The following MAP3K14 variants were observed in gnomAD, a reference collection of about 807,000 sequenced individuals.
MAP3K14 encodes NF-kappa-beta-inducing kinase.
Under a neutral mutation model 99.2 loss-of-function variants are expected in MAP3K14, and 16 were observed. The ratio of observed to expected loss-of-function variants is 0.16; its 90% CI spans 0.11 to 0.24. The LOEUF is 0.24. Ranked by LOEUF, MAP3K14 falls within the 10% of genes least tolerant of loss-of-function variation. The pLI is 1.00. For missense variants in MAP3K14, 784 were observed against 1,208.7 expected (o/e 0.65, Z 5.21); for synonymous variants, 462 against 492.4 (o/e 0.94, Z 0.82).
Position 45,267,112 on chromosome 17 carries a change from G to A in MAP3K14, c.2413C>T (p.Leu805=). The change falls in exon 13 of 16, where the codon CTG becomes TTG. Residue 805 remains leucine (L), a synonymous_variant. Coordinates refer to ENST00000344686, the MANE Select transcript of MAP3K14 (RefSeq NM_003954.5). This position sits in a 1 kb window ranked among gnomAD's most constrained non-coding sequence, Gnocchi z 5.1. Reference sequence around the variant, plus strand: ...CTCACCTTCTCACTGTCATCCGACAGGGAGAGGCTGTCGATGCTGAGGCAC... The same window carrying A: ...CTCACCTTCTCACTGTCATCCGACAAGGAGAGGCTGTCGATGCTGAGGCAC... ...LSCLSIDSLS[L]SDDSEKNPSK... 1 of 1,592,172 alleles carries A rather than the reference G, an allele frequency of 6.3e-7. No individual in the cohort carries two copies. Among genetic ancestry groups the A allele is most frequent in the Non-Finnish European group, 8.6e-7 (1 of 1,169,236 alleles).
chr17:45,271,406 C>T (rs772781231), intron 9 of MAP3K14, among the ~76,000 whole-genome samples, 185 bp from the exon 10 acceptor site: 8 of 152,172 alleles, frequency 5.3e-5, no homozygotes, highest in African/African-American at 1.4e-4. Flanking sequence ...AGTACAATGG[C>T]GCGATCTTGG....
At position 45,286,846 on chromosome 17, in the gene MAP3K14, T is replaced by G; in HGVS notation, c.737A>C (p.Gln246Pro). Reference sequence around the variant, plus strand: ...GGGCAGGGGCAGGGGGCCTCCGTCCTGGGGGTGGTGCAGTTTCCACACGTG... The same window carrying G: ...GGGCAGGGGCAGGGGGCCTCCGTCCGGGGGGTGGTGCAGTTTCCACACGTG... ...LNHVWKLHHP[Q>P]DGGPLPLPTH... Residue 246 changes from glutamine (Q) to proline (P), a missense_variant, in exon 5 of 16, where the codon CAG becomes CCG. By Grantham distance (76) the Gln-to-Pro change is moderately conservative. Coordinates refer to ENST00000344686, the MANE Select transcript of MAP3K14 (RefSeq NM_003954.5). The surrounding 1 kb of genome is among the most constrained non-coding windows in gnomAD (Gnocchi z 4.1). The G allele has an allele frequency of 6.2e-7, 1 of 1,613,914 alleles. No individual in the cohort carries two copies.
chr17:45,287,920 G>GGCTGCT (rs1334238511), intron 3 of MAP3K14, among the ~76,000 whole-genome samples: 5 of 152,342 alleles, frequency 3.3e-5, no homozygotes, highest in African/African-American at 1.2e-4. Context: ...GAACAGCCTG[G>GGCTGCT]GCTGCTGCCT....
At chr17:45,275,760 C>CTTT (rs369154222) in intron 6 of MAP3K14, among the ~76,000 whole-genome samples, 4 of 123,546 alleles carry the variant, frequency 3.2e-5, no homozygotes, top group African/African-American at 6.4e-5. Flanking sequence ...CTTTTCTTTT[C>CTTT]TTTTTTTTTT....
chr17:45,313,994 A>T (rs1487664641), intron 1 of MAP3K14, among the ~76,000 whole-genome samples: 1 of 152,234 alleles, frequency 6.6e-6, no homozygotes, highest in Non-Finnish European at 1.5e-5. Flanking sequence ...CCATAAAATT[A>T]TTCTTGATGC....
At position 45,270,542 on chromosome 17, in the gene MAP3K14, C is replaced by G. The variant is rs1329994663; in HGVS notation, c.1843G>C (p.Val615Leu). The change falls in exon 11 of 16, where the codon GTG (valine) becomes CTG (leucine). Residue 615 changes from valine (V) to leucine (L), a missense_variant. Transcript: ENST00000344686. ...GCGCAGGAGGGTGGGATCTCCCTCACAGGCGGAGGCTCGCTGGCAATCTGG... is the reference window on the plus strand; with the variant it reads ...GCGCAGGAGGGTGGGATCTCCCTCAGAGGCGGAGGCTCGCTGGCAATCTGG... ...CLKIASEPPP[V>L]REIPPSCAPL... 1.3e-6 allele frequency: 2 copies of G among 1,561,810 alleles called. No individual in the cohort carries two copies. The highest frequency in any genetic ancestry group is 1.7e-6 in the Non-Finnish European group (2 of 1,156,084).
intron 5 of MAP3K14, among the ~76,000 whole-genome samples, chr17:45,285,333 G>A (rs1354627388): frequency 1.3e-5 from 2 of 151,952 alleles, no homozygotes; most frequent in Non-Finnish European, 2.9e-5. Flanking sequence ...GATGTTAAAA[G>A]TGGATGGAGG....
chr17:45,304,844 C>T (rs142703815), intron 1 of MAP3K14, among the ~76,000 whole-genome samples: 91 of 152,240 alleles, frequency 6.0e-4, no homozygotes, highest in African/African-American at 2.1e-3. Flanking sequence ...GGTGTGTGAC[C>T]ATGGGCAGGT....
At chr17:45,278,403 C>A (rs955929159) in intron 6 of MAP3K14, among the ~76,000 whole-genome samples, 1 of 152,200 alleles carries the variant, frequency 6.6e-6, no homozygotes, top group Non-Finnish European at 1.5e-5. Context: ...GGCTGGACTG[C>A]GATGAGGATA....
rs2044365246 is a variant in MAP3K14, at chr17:45,298,848, A to T, written c.-20-8083T>A. Among the ~76,000 whole-genome samples, 4 of 152,306 alleles carry T rather than the reference A, an allele frequency of 2.6e-5. No homozygotes were observed. In the South Asian group the frequency reaches 8.3e-4, roughly 32 times the overall value. Reference sequence around the variant, plus strand: ...AGAAGTCAGAAGAGTTCAGTACAATACAGGGATGCAATGACAGAGATAGAC... The same window carrying T: ...AGAAGTCAGAAGAGTTCAGTACAATTCAGGGATGCAATGACAGAGATAGAC... On this transcript the variant is annotated intron_variant, in intron 1 of 15. Coordinates refer to ENST00000344686, the MANE Select transcript of MAP3K14 (RefSeq NM_003954.5).
chr17:45,266,935 C>A (rs2044090899), intron 13 of MAP3K14, among the ~76,000 whole-genome samples, 157 bp downstream of exon 13: 1 of 152,148 alleles, frequency 6.6e-6, no homozygotes, highest in South Asian at 2.1e-4. Context: ...CTAGTGAGGA[C>A]CCCCACCAGA....
rs1245669521 is a variant in MAP3K14 at position 45,286,426 on chromosome 17, G to A, written c.1152+5C>T. On this transcript the variant is annotated splice_donor_5th_base_variant and intron_variant, in intron 5 of 15. Coordinates refer to ENST00000344686, the MANE Select transcript of MAP3K14 (RefSeq NM_003954.5). This position sits in a 1 kb window ranked among gnomAD's most constrained non-coding sequence, Gnocchi z 4.1. ...GACATATACAGGTGCCGGGGGATTA[G>A]TTACCTCAGTGAGCAGGACACCCTC... 1.3e-6 allele frequency: 2 copies of A among 1,580,648 alleles called. No homozygotes were observed. The highest frequency in any genetic ancestry group is 1.7e-6 in the Non-Finnish European group (2 of 1,159,494).
In MAP3K14 at chr17:45,311,680, T is replaced by G. The variant is rs549451650; in HGVS notation, c.-21+5280A>C. On this transcript the variant is annotated intron_variant, in intron 1 of 15. Coordinates refer to ENST00000344686, the MANE Select transcript of MAP3K14 (RefSeq NM_003954.5). The stretch of plus-strand genomic sequence containing the variant: ...TTGGGATTCCTAAAGCTTTCTGAAA[T>G]CCAGGGTTTAATCTAGCCTTTACAA... 8.5e-5 allele frequency among the ~76,000 whole-genome samples: 13 copies of G among 152,234 alleles called. No homozygotes were observed. The East Asian group carries it at 1.5e-3, about 18-fold the overall frequency.
chr17:45,312,790 C>G (rs1360005781), intron 1 of MAP3K14, among the ~76,000 whole-genome samples: 1 of 152,162 alleles, frequency 6.6e-6, no homozygotes, highest in Non-Finnish European at 1.5e-5. Flanking sequence ...GAGAAGCTGA[C>G]AAAGACATCT....
At chr17:45,311,258 T>C (rs947674122) in intron 1 of MAP3K14, among the ~76,000 whole-genome samples, 21 of 152,348 alleles carry the variant, frequency 1.4e-4, no homozygotes, top group Admixed American at 1.3e-3. Flanking sequence ...TATTTAGCCA[T>C]GCCAGCAGGA....
In MAP3K14 at chr17:45,270,563, T is replaced by A; in HGVS notation, c.1822A>T (p.Ile608Phe). ...QFFRGPLCLK[I>F]ASEPPPVREI... ...CTCACAGGCGGAGGCTCGCTGGCAA[T>A]CTGGGGGGCAAAAGACAACAGGTGA... The change falls in exon 11 of 16, where the codon ATT becomes TTT. Residue 608 changes from isoleucine to phenylalanine, a missense_variant and splice_region_variant. Transcript: ENST00000344686. 6.5e-7 allele frequency: 1 copy of A among 1,547,558 alleles called. No individual in the cohort carries two copies. The highest frequency in any genetic ancestry group is 8.7e-7 in the Non-Finnish European group (1 of 1,148,804).
At chr17:45,307,265 T>TA (rs1043095038) in intron 1 of MAP3K14, among the ~76,000 whole-genome samples, 16 of 148,248 alleles carry the variant, frequency 1.1e-4, no homozygotes, top group East Asian at 3.9e-4. Context: ...CTCAAAAAAT[T>TA]AAAAAAAAAA....
At position 45,291,296 on chromosome 17, in the gene MAP3K14, C is replaced by CTGTG. The variant is rs10578692; in HGVS notation, c.-20-535_-20-532dup. On this transcript the variant is annotated intron_variant, in intron 1 of 15. Transcript: ENST00000344686. ...CTGTTCCCTAGTAGGAGGTAGATAT[C>CTGTG]TGTGTGTGTGTGTGTGTGTGTGTGT... Among the ~76,000 whole-genome samples, 253 of 149,840 alleles carry CTGTG rather than the reference C, an allele frequency of 1.7e-3. 1 individual carries two copies. The highest frequency in any genetic ancestry group is 5.8e-3 in the African/African-American group (238 of 40,874).
chr17:45,300,404 C>T (rs1303914074), intron 1 of MAP3K14, among the ~76,000 whole-genome samples: 1 of 152,208 alleles, frequency 6.6e-6, no homozygotes, highest in Non-Finnish European at 1.5e-5. Context: ...GCTGGCTCTG[C>T]ACTGCTTATG....
Sources: gnomAD v4.1 joint callset for allele counts (sites outside exome capture counted in the v4.1 genomes callset) on GRCh38, gnomAD v4.1.1 for gene constraint, Gnocchi (gnomAD v3.1) non-coding constraint, MANE v1.5 for transcripts, NCBI Gene and HGNC (gene_info 2026-07-23, HGNC 2026-07-21) for gene names.